RBFOX1: variants seen among roughly 807,000 people sequenced by gnomAD.
RBFOX1 encodes RNA binding fox-1 homolog 1.
Under a neutral mutation model 57.7 loss-of-function variants are expected in RBFOX1, and 8 were observed. The observed-to-expected ratio is 0.14, with a 90% CI of 0.08 to 0.25. The LOEUF (loss-of-function observed/expected upper bound fraction) is 0.25. Among genes scored for constraint, RBFOX1 ranks in the 10% least tolerant of loss-of-function variants. The pLI is 1.00. For missense variants in RBFOX1, 611 were observed against 548.5 expected, an observed-to-expected ratio of 1.11 and a Z score of -1.14; for synonymous variants, 326 against 222.4, an observed-to-expected ratio of 1.47 and a Z score of -4.15.
At position 6,459,958 on chromosome 16, in the gene RBFOX1, C is replaced by T. The variant is rs144484694; in HGVS notation, c.-64+142901C>T. Among the ~76,000 whole-genome samples, 628 of 114,106 alleles carry T rather than the reference C, an allele frequency of 5.5e-3. 3 individuals carry two copies. Among genetic ancestry groups the T allele is most frequent in the Non-Finnish European group, 8.7e-3 (506 of 57,896 alleles). 74.9% of individuals were successfully genotyped at this position (114,106 alleles called of 152,430 possible). A position where few individuals can be genotyped will look rare whatever the true frequency, so the allele number is the denominator to read the frequency against. On this transcript the variant is annotated intron_variant, in intron 2 of 15. Transcript: ENST00000550418. ...GAGATAGTGCCATTGCACTCCAGCCCGGGCAACAAGAGTGAAACTCCATCT... is the reference window on the plus strand; with the variant it reads ...GAGATAGTGCCATTGCACTCCAGCCTGGGCAACAAGAGTGAAACTCCATCT...
At chr16:5,785,325 G>A (rs1028136169) in intron 3 of RBFOX1, among the ~76,000 whole-genome samples, 1 of 152,078 alleles carries the variant, frequency 6.6e-6, no homozygotes, top group African/African-American at 2.4e-5. Flanking sequence ...AAAGAGAGGT[G>A]GAGCTGGCTC....
At chr16:7,132,548 G>A (rs1052169682) in intron 4 of RBFOX1, among the ~76,000 whole-genome samples, 1 of 150,692 alleles carries the variant, frequency 6.6e-6, no homozygotes, top group African/African-American at 2.4e-5. Flanking sequence ...ATGGTGCCTT[G>A]CATAATGGTG....
At chr16:7,235,580 G>T (rs548069529) in intron 4 of RBFOX1, among the ~76,000 whole-genome samples, 2 of 152,290 alleles carry the variant, frequency 1.3e-5, no homozygotes, top group African/African-American at 4.8e-5. Context: ...AAAGGCAGTG[G>T]CTGCGTTTGC....
chr16:7,051,124 T>A (rs989104529), intron 3 of RBFOX1, among the ~76,000 whole-genome samples: 8 of 151,572 alleles, frequency 5.3e-5, no homozygotes, highest in African/African-American at 1.9e-4. Context: ...TTTCACTGGT[T>A]AAAAAAAAAT....
chr16:5,447,060 A>C (rs1425584288), intron 1 of RBFOX1, among the ~76,000 whole-genome samples: 1 of 147,454 alleles, frequency 6.8e-6, no homozygotes, highest in African/African-American at 2.7e-5. Flanking sequence ...CTAAGCAAAC[A>C]AACCATCACG....
At chr16:7,696,318 A>G (rs1241045305) in intron 14 of RBFOX1, among the ~76,000 whole-genome samples, 1 of 152,172 alleles carries the variant, frequency 6.6e-6, no homozygotes, top group Non-Finnish European at 1.5e-5. Context: ...AGCTTGGACA[A>G]CTGAGTAGGT....
At chr16:7,605,576 T>TG (rs2095252214) in intron 9 of RBFOX1, among the ~76,000 whole-genome samples, 1 of 152,218 alleles carries the variant, frequency 6.6e-6, no homozygotes, top group Admixed American at 6.5e-5. Flanking sequence ...CATACTGGCC[T>TG]GTCTGTTGAG....
chr16:6,641,627 C>G (rs1277373853), intron 2 of RBFOX1, among the ~76,000 whole-genome samples: 1 of 151,636 alleles, frequency 6.6e-6, no homozygotes, highest in Non-Finnish European at 1.5e-5. Flanking sequence ...CCCAGCTACT[C>G]AAGAGGCTGA....
intron 4 of RBFOX1, among the ~76,000 whole-genome samples, chr16:7,303,404 C>T (rs1160568251): frequency 1.3e-5 from 2 of 152,254 alleles, no homozygotes; most frequent in South Asian, 2.1e-4. Flanking sequence ...AGGAATCCGG[C>T]AAACGCACCG....
intron 3 of RBFOX1, among the ~76,000 whole-genome samples, chr16:5,658,607 T>A (rs1328156686): frequency 6.6e-6 from 1 of 152,022 alleles, no homozygotes; most frequent in Non-Finnish European, 1.5e-5. Context: ...GATACTATGT[T>A]TGGTTTTCCA....
chr16:6,356,551 T>C (rs534772258), intron 2 of RBFOX1, among the ~76,000 whole-genome samples: 12 of 152,274 alleles, frequency 7.9e-5, no homozygotes, highest in Non-Finnish European at 1.3e-4. Flanking sequence ...CAATTCAAAA[T>C]TGGGGGACAT....
At chr16:6,754,572 T>G (rs1297134371) in intron 3 of RBFOX1, among the ~76,000 whole-genome samples, 1 of 152,186 alleles carries the variant, frequency 6.6e-6, no homozygotes, top group African/African-American at 2.4e-5. Context: ...CTCTACAAAT[T>G]GGCCTCCACT....
At chr16:6,875,147 A>G (rs2061606577) in intron 3 of RBFOX1, among the ~76,000 whole-genome samples, 1 of 152,190 alleles carries the variant, frequency 6.6e-6, no homozygotes, top group Non-Finnish European at 1.5e-5. Context: ...ATTTAATCAT[A>G]TAATGCCTAC....
chr16:5,766,679 A>G (rs2053792456), intron 3 of RBFOX1, among the ~76,000 whole-genome samples: 1 of 152,120 alleles, frequency 6.6e-6, no homozygotes, highest in Non-Finnish European at 1.5e-5. Context: ...ATCCCCCCCC[A>G]GGACCCAAAC....
chr16:6,390,435 A>G (rs927930945), intron 2 of RBFOX1, among the ~76,000 whole-genome samples: 21 of 152,122 alleles, frequency 1.4e-4, no homozygotes, highest in African/African-American at 5.1e-4. Flanking sequence ...ATTTTTTAAA[A>G]AATGTTTTGG....
At chr16:6,614,585 G>T (rs1442056675) in intron 2 of RBFOX1, among the ~76,000 whole-genome samples, 1 of 152,134 alleles carries the variant, frequency 6.6e-6, no homozygotes. Flanking sequence ...AGTTCTGGAG[G>T]TTGCATGTCT....
intron 1 of RBFOX1, among the ~76,000 whole-genome samples, chr16:5,370,695 G>A (rs2065836328): frequency 6.6e-6 from 1 of 151,746 alleles, no homozygotes; most frequent in Non-Finnish European, 1.5e-5. Context: ...GAGTCTCTGT[G>A]TTGCCCAGGC....
intron 4 of RBFOX1, among the ~76,000 whole-genome samples, chr16:5,900,307 T>G (rs2058275566): frequency 6.6e-6 from 1 of 152,174 alleles, no homozygotes; most frequent in Non-Finnish European, 1.5e-5. Flanking sequence ...ACTCATTGAT[T>G]CATGAATGCC....
At chr16:7,450,069 G>T (rs1298950698) in intron 4 of RBFOX1, among the ~76,000 whole-genome samples, 1 of 152,070 alleles carries the variant, frequency 6.6e-6, no homozygotes, top group Non-Finnish European at 1.5e-5. Flanking sequence ...ATCATAGAAA[G>T]AAAAGAAGGA....
Sources: allele counts gnomAD v4.1 joint callset (sites outside exome capture counted in the v4.1 genomes callset), GRCh38; gene constraint gnomAD v4.1.1; transcripts MANE v1.5; gene names NCBI Gene and HGNC (gene_info 2026-07-23, HGNC 2026-07-21).